CTIF: variants seen among roughly 807,000 people sequenced by gnomAD.
CTIF encodes the protein CBP80/20-dependent translation initiation factor.
A neutral mutation model predicts 66.0 loss-of-function variants in CTIF; 21 were observed. The ratio of observed to expected loss-of-function variants is 0.32; its 90% CI spans 0.23 to 0.46. The LOEUF (loss-of-function observed/expected upper bound fraction) is 0.46. CTIF is among the 20% of genes least tolerant of loss of function. The probability of loss-of-function intolerance (pLI) is 1.00; values close to 1 mark genes in which losing one functional copy is unlikely to be tolerated. For missense variants in CTIF, 739 were observed against 812.7 expected (o/e 0.91, Z 1.10); for synonymous variants, 345 against 326.4 (o/e 1.06, Z -0.62).
intron 7 of CTIF, among the ~76,000 whole-genome samples, chr18:48,752,220 G>A (rs4939558): frequency 0.78 from 118,855 of 152,114 alleles, 46,739 homozygotes; most frequent in African/African-American, 0.87. Context: ...TTGGAGTGGG[G>A]GAGTCTGCAG....
chr18:48,708,448 T>C (rs555225914), intron 6 of CTIF, among the ~76,000 whole-genome samples: 2 of 152,328 alleles, frequency 1.3e-5, no homozygotes, highest in South Asian at 4.1e-4. Context: ...ATGGAGCTTG[T>C]GTCAACACAG....
chr18:48,663,675 C>T, intron 3 of CTIF, 77 bp from the exon 4 acceptor site: 1 of 1,361,930 alleles, frequency 7.3e-7, no homozygotes, highest in Non-Finnish European at 1.1e-6. Context: ...CCCCCCAGCC[C>T]CTCAGGCCCT....
chr18:48,545,888 C>G (rs190790445), intron 1 of CTIF, among the ~76,000 whole-genome samples: 1 of 151,866 alleles, frequency 6.6e-6, no homozygotes, highest in Admixed American at 6.6e-5. Context: ...CGGCCGCTGT[C>G]GTCAGGGAAG....
At chr18:48,653,150 A>T (rs1002304419) in intron 3 of CTIF, among the ~76,000 whole-genome samples, 2 of 152,230 alleles carry the variant, frequency 1.3e-5, no homozygotes, top group African/African-American at 4.8e-5. Flanking sequence ...AAGAGAAAGA[A>T]ATAAAGGGTA....
At chr18:48,556,055 T>C (rs2089013144) in intron 1 of CTIF, among the ~76,000 whole-genome samples, 1 of 152,204 alleles carries the variant, frequency 6.6e-6, no homozygotes, top group Non-Finnish European at 1.5e-5. Context: ...TTGGAGCTTG[T>C]CTTTTTATTC....
chr18:48,715,778 T>C (rs1244733156), intron 7 of CTIF, among the ~76,000 whole-genome samples: 1 of 152,302 alleles, frequency 6.6e-6, no homozygotes, highest in East Asian at 1.9e-4. Context: ...AGGCATGCCT[T>C]TGGTGTTGAT....
chr18:48,638,218 A>G (rs1165969131), intron 3 of CTIF, among the ~76,000 whole-genome samples: 3 of 152,118 alleles, frequency 2.0e-5, no homozygotes, highest in African/African-American at 4.8e-5. Flanking sequence ...TTCAGCAGCA[A>G]TGGTGAACTT....
intron 7 of CTIF, among the ~76,000 whole-genome samples, chr18:48,729,737 C>T (rs1220243758): frequency 6.6e-6 from 1 of 152,186 alleles, no homozygotes; most frequent in Non-Finnish European, 1.5e-5. Flanking sequence ...AGTTGTCTTC[C>T]TGTCTGGGGA....
At chr18:48,842,742 G>A (rs1183678243) in intron 10 of CTIF, among the ~76,000 whole-genome samples, 2 of 152,384 alleles carry the variant, frequency 1.3e-5, no homozygotes, top group Non-Finnish European at 2.9e-5. Context: ...TTCCGTTGAT[G>A]TGGGTTTCTC....
intron 1 of CTIF, among the ~76,000 whole-genome samples, chr18:48,558,151 CCA>C (rs2089066024): frequency 6.6e-6 from 1 of 152,158 alleles, no homozygotes; most frequent in African/African-American, 2.4e-5. Flanking sequence ...GGCATTCATA[CCA>C]CTGGTAGAAC....
At chr18:48,659,025 A>ACTCTTCCTGCTCTGGG (rs1174784072) in intron 3 of CTIF, among the ~76,000 whole-genome samples, 1 of 151,520 alleles carries the variant, frequency 6.6e-6, no homozygotes. Context: ...TGCAGGTGAG[A>ACTCTTCCTGCTCTGGG]CTCTTCCTGC....
chr18:48,755,941 G>C (rs562387756), intron 7 of CTIF: 1 of 152,356 alleles, frequency 6.6e-6, no homozygotes, highest in East Asian at 1.9e-4. Context: ...GGGAACTGAA[G>C]AATGACACAC....
rs550186960 is a variant in CTIF, at chr18:48,761,331, C to G, written c.1072-59C>G. The G allele has an allele frequency of 6.4e-7, 1 of 1,553,966 alleles. No homozygotes were observed. Among genetic ancestry groups the G allele is most frequent in the Non-Finnish European group, 8.8e-7 (1 of 1,141,146 alleles). On this transcript the variant is annotated intron_variant, in intron 8 of 11. Transcript: ENST00000256413. The surrounding 1 kb of genome is among the most constrained non-coding windows in gnomAD (Gnocchi z 4.2). ...TGGCCACCCTCTTTCCACCAGGCCA[C>G]CCCTGCACAGAGACCTCGGCTTCAC...
At chr18:48,827,084 G>A (rs909751640) in intron 10 of CTIF, among the ~76,000 whole-genome samples, 1 of 152,102 alleles carries the variant, frequency 6.6e-6, no homozygotes, top group East Asian at 1.9e-4. Context: ...GTAAAGAGAG[G>A]GCCCGATGAG....
intron 9 of CTIF, among the ~76,000 whole-genome samples, chr18:48,770,715 C>T (rs765895476): frequency 1.3e-5 from 2 of 152,246 alleles, no homozygotes; most frequent in Non-Finnish European, 2.9e-5. Flanking sequence ...GAGTAGCAAA[C>T]CTGTGCAGTA....
chr18:48,743,146 C>T (rs766779012), intron 7 of CTIF, among the ~76,000 whole-genome samples: 7 of 152,182 alleles, frequency 4.6e-5, no homozygotes, highest in Non-Finnish European at 8.8e-5. Context: ...GTGCTCTGGC[C>T]GGATCTGCAA....
intron 2 of CTIF, among the ~76,000 whole-genome samples, chr18:48,626,898 C>T (rs1219863789): frequency 6.6e-6 from 1 of 151,636 alleles, no homozygotes; most frequent in African/African-American, 2.4e-5. Flanking sequence ...CTCAGGTGAT[C>T]CACCCTGCTC....
chr18:48,840,420 C>T (rs954359058), intron 10 of CTIF, among the ~76,000 whole-genome samples: 6 of 152,198 alleles, frequency 3.9e-5, no homozygotes, highest in Non-Finnish European at 7.3e-5. Flanking sequence ...GACTCACATG[C>T]TCATTCATCC....
intron 3 of CTIF, among the ~76,000 whole-genome samples, chr18:48,644,067 C>T (rs1456362496): frequency 2.0e-5 from 3 of 152,156 alleles, no homozygotes. Context: ...TTATTTAACT[C>T]TTTTGCTTGT....
Sources: allele counts gnomAD v4.1 joint callset (sites outside exome capture counted in the v4.1 genomes callset), GRCh38; gene constraint gnomAD v4.1.1; non-coding constraint Gnocchi (gnomAD v3.1); transcripts MANE v1.5; gene names NCBI Gene and HGNC (gene_info 2026-07-23, HGNC 2026-07-21).